Variants in FTO observed in about 807,000 individuals in gnomAD.
FTO encodes alpha-ketoglutarate-dependent dioxygenase FTO.
FTO carries 47 observed loss-of-function variants against 63.9 expected under a neutral mutation model. The ratio of observed to expected loss-of-function variants is 0.74; its 90% CI spans 0.58 to 0.94. FTO has a LOEUF of 0.94. Ranked by LOEUF, FTO falls within the 40% of genes least tolerant of loss-of-function variation. The pLI is 0.00. For synonymous variants in FTO, 207 were observed against 224.4 expected (o/e 0.92, Z 0.69); for missense variants, 562 against 618.1 (o/e 0.91, Z 0.96).
In FTO at chr16:54,117,680, TA is replaced by T. The variant is rs1467721428; in HGVS notation, c.*5768del. The stretch of plus-strand genomic sequence containing the variant: ...TAGGCGGATGGCATGGAACTTTTTA[TA>T]AATGAGATATTATGAAAAATGATGT... On this transcript the variant is annotated 3_prime_UTR_variant, in exon 9 of 9. Coordinates refer to ENST00000471389, the MANE Select transcript of FTO (RefSeq NM_001080432.3). The T allele has an allele frequency of 6.6e-6, 1 of 152,234 alleles. No homozygotes were observed. Among genetic ancestry groups the T allele is most frequent in the Non-Finnish European group, 1.5e-5 (1 of 68,032 alleles). The allele number at this position is 152,234 out of a possible 1,614,324, so 9.4% of individuals were successfully genotyped here. A position where few individuals can be genotyped will look rare whatever the true frequency, so the allele number is the denominator to read the frequency against.
At chr16:53,927,327 T>C (rs1342233995) in intron 7 of FTO, among the ~76,000 whole-genome samples, 1 of 152,158 alleles carries the variant, frequency 6.6e-6, no homozygotes, top group Admixed American at 6.5e-5. Context: ...GGGTTCTAGT[T>C]TGGGTTATTG....
intron 8 of FTO, chr16:53,994,042 GTTAT>G (rs1248943591): frequency 6.6e-6 from 1 of 152,196 alleles, no homozygotes; most frequent in Non-Finnish European, 1.5e-5. Context: ...CAATTTGGTA[GTTAT>G]TTAATTTGCA....
chr16:53,767,204 C>G (rs111240785), intron 1 of FTO, among the ~76,000 whole-genome samples: 4,613 of 152,270 alleles, frequency 0.03, 119 homozygotes, highest in Non-Finnish European at 0.045. Context: ...TGTCCAGAAG[C>G]ATTTATTTAA....
At chr16:53,941,249 A>G (rs555103745) in intron 8 of FTO, among the ~76,000 whole-genome samples, 2 of 152,364 alleles carry the variant, frequency 1.3e-5, no homozygotes, top group East Asian at 3.9e-4. Context: ...GGGAATATCA[A>G]GATGAGTATG....
At position 53,888,787 on chromosome 16, in the gene FTO, A is replaced by G. The variant is rs144587536; in HGVS notation, c.1120-45A>G. On this transcript the variant is annotated intron_variant, in intron 6 of 8. Transcript: ENST00000471389. ...ACGAAGTCATTGTCCTCGCTTGTCT[A>G]TCACAAGGGTATTAAAACCACCATC... 9.8e-4 allele frequency: 1,580 copies of G among 1,609,974 alleles called. 4 individuals carry two copies. Among genetic ancestry groups the G allele is most frequent in the Middle Eastern group, 4.1e-3 (25 of 6,036 alleles).
At chr16:53,958,211 C>T (rs2082974706) in intron 8 of FTO, among the ~76,000 whole-genome samples, 1 of 152,166 alleles carries the variant, frequency 6.6e-6, no homozygotes, top group Non-Finnish European at 1.5e-5. Context: ...TGAATCGGCC[C>T]ACTTAGAGAA....
intron 4 of FTO, among the ~76,000 whole-genome samples, chr16:53,847,766 CT>C (rs2079671292): frequency 6.8e-6 from 1 of 147,066 alleles, no homozygotes; most frequent in Non-Finnish European, 1.5e-5. Context: ...GAAATTCCAT[CT>C]CAAAAAAAAA....
chr16:53,813,047 A>G lies in FTO; in HGVS notation c.123+2830A>G, dbSNP rs546934974. Among the ~76,000 whole-genome samples, 3 of 152,242 alleles carry G rather than the reference A, an allele frequency of 2.0e-5. No homozygotes were observed. In the East Asian group the frequency reaches 5.8e-4, roughly 29 times the overall value. On this transcript the variant is annotated intron_variant, in intron 2 of 8. Transcript: ENST00000471389. ...ATGGTACAGGAAGAATGAGATACAA[A>G]AGGTTATCAGCCCACTGTGCTCTGA...
At chr16:53,997,588 G>C (rs910201882) in intron 8 of FTO, among the ~76,000 whole-genome samples, 11 of 149,860 alleles carry the variant, frequency 7.3e-5, no homozygotes, top group Admixed American at 5.3e-4. Context: ...GGTGGGAGTG[G>C]GGGGGTGGTG....
chr16:54,119,065 CCT>C lies in FTO; in HGVS notation c.*7155_*7156del, dbSNP rs1194889807. On this transcript the variant is annotated 3_prime_UTR_variant, in exon 9 of 9. Coordinates refer to ENST00000471389, the MANE Select transcript of FTO (RefSeq NM_001080432.3). ...CTGCCAGGGCTTGGAGAAATAGAAA[CCT>C]CTCTTGCACAAGAATAGTCTCAATG... 2 of 152,164 alleles carry C rather than the reference CCT, an allele frequency of 1.3e-5. No homozygotes were observed. The highest frequency in any genetic ancestry group is 2.4e-5 in the African/African-American group (1 of 41,424). The allele number at this position is 152,164 out of a possible 1,614,324, so 9.4% of individuals were successfully genotyped here. A position where few individuals can be genotyped will look rare whatever the true frequency, so the allele number is the denominator to read the frequency against.
At chr16:53,977,156 A>G (rs2083451722) in intron 8 of FTO, among the ~76,000 whole-genome samples, 1 of 150,418 alleles carries the variant, frequency 6.6e-6, no homozygotes, top group African/African-American at 2.5e-5. Context: ...ATTAAGTAAA[A>G]TAATTCTTAT....
intron 8 of FTO, among the ~76,000 whole-genome samples, chr16:53,939,929 G>A (rs1180540818): frequency 6.6e-6 from 1 of 152,070 alleles, no homozygotes; most frequent in Admixed American, 6.6e-5. Context: ...TGACTTTCTG[G>A]CTATCATGAA....
chr16:54,011,122 T>A lies in FTO; in HGVS notation c.1364+77013T>A, dbSNP rs150263149. Among the ~76,000 whole-genome samples, 259 of 152,250 alleles carry A rather than the reference T, an allele frequency of 1.7e-3. 2 individuals are homozygous for A. The highest frequency in any genetic ancestry group is 5.9e-3 in the African/African-American group (244 of 41,540). On this transcript the variant is annotated intron_variant, in intron 8 of 8. Transcript: ENST00000471389. ...ACCCCCATATTTGGGAGGGATGACA[T>A]CACAGTAACTGACAATGGAATTATC...
chr16:54,028,036 C>T (rs2084752878), intron 8 of FTO, among the ~76,000 whole-genome samples: 2 of 151,718 alleles, frequency 1.3e-5, no homozygotes, highest in South Asian at 2.1e-4. Context: ...ATTTTGGCTT[C>T]GGGCAAAGCA....
chr16:53,855,534 C>T (rs941382988), intron 4 of FTO, among the ~76,000 whole-genome samples: 38 of 150,464 alleles, frequency 2.5e-4, no homozygotes, highest in Non-Finnish European at 4.0e-4. Flanking sequence ...ATGAATGAAC[C>T]AAGAACTGGC....
rs142058664 is a variant in FTO at position 53,864,277 on chromosome 16, T to G, written c.896-9509T>G. Among the ~76,000 whole-genome samples the G allele has an allele frequency of 4.0e-3, 608 of 152,300 alleles. 2 individuals carry two copies. Among genetic ancestry groups the G allele is most frequent in the African/African-American group, 0.014 (574 of 41,572 alleles). On this transcript the variant is annotated intron_variant, in intron 4 of 8. Coordinates refer to ENST00000471389, the MANE Select transcript of FTO (RefSeq NM_001080432.3). ...GAGTGCCTTTAGCAAAAGTCATGAT[T>G]GTTTCTCTAAGAAATTTGGGTGAAA... is the stretch of plus-strand genomic sequence containing the variant.
intron 8 of FTO, among the ~76,000 whole-genome samples, chr16:54,110,634 C>T (rs558300962): frequency 6.6e-6 from 1 of 152,350 alleles, no homozygotes; most frequent in Admixed American, 6.5e-5. Flanking sequence ...TACCATCAGG[C>T]TTGGAAATGG....
rs552769942 is a variant in FTO, at chr16:53,707,803, G to A, written c.45+3574G>A. Among the ~76,000 whole-genome samples, 69 of 152,246 alleles carry A rather than the reference G, an allele frequency of 4.5e-4. 1 individual carries two copies. Among genetic ancestry groups the A allele is most frequent in the Admixed American group, 1.4e-3 (21 of 15,296 alleles). The stretch of plus-strand genomic sequence containing the variant: ...TGGTTGGTAGCATATTTGCAGAGTC[G>A]TGTAACTGTCACCACCGTCTTATTT... On this transcript the variant is annotated intron_variant, in intron 1 of 8. Transcript: ENST00000471389.
At chr16:53,847,307 C>T (rs55844219) in intron 4 of FTO, among the ~76,000 whole-genome samples, 33,930 of 152,144 alleles carry the variant, frequency 0.22, 4,116 homozygotes, top group East Asian at 0.33. Flanking sequence ...CAGCGCTGAA[C>T]GCTGCTCAGG....
Sources: allele counts gnomAD v4.1 joint callset (sites outside exome capture counted in the v4.1 genomes callset), GRCh38; gene constraint gnomAD v4.1.1; transcripts MANE v1.5; gene names NCBI Gene and HGNC (gene_info 2026-07-23, HGNC 2026-07-21).